Variants in SYT10 observed in about 807,000 individuals in gnomAD.
SYT10 encodes synaptotagmin 10.
A neutral mutation model predicts 51.1 loss-of-function variants in SYT10; 31 were observed. That is an observed-to-expected ratio of 0.61 (90% CI 0.46 to 0.82). SYT10 has a LOEUF of 0.82. SYT10 is among the 40% of genes least tolerant of loss of function. SYT10 has a pLI of 0.00. For missense variants in SYT10, 603 were observed against 634.0 expected (o/e 0.95, Z 0.53); for synonymous variants, 233 against 225.9 (o/e 1.03, Z -0.28).
chr12:33,402,319 C>G (rs1004157517), intron 3 of SYT10, among the ~76,000 whole-genome samples: 2 of 152,190 alleles, frequency 1.3e-5, no homozygotes, highest in African/African-American at 4.8e-5. Context: ...TGAAAACATG[C>G]TACAGTCTTA....
At chr12:33,390,392 G>T (rs1284510046) in intron 3 of SYT10, among the ~76,000 whole-genome samples, 1 of 152,064 alleles carries the variant, frequency 6.6e-6, no homozygotes, top group Non-Finnish European at 1.5e-5. Context: ...CTTCTGGCTC[G>T]CTAAAATTCT....
At chr12:33,400,189 G>T (rs1866290359) in intron 3 of SYT10, among the ~76,000 whole-genome samples, 1 of 152,142 alleles carries the variant, frequency 6.6e-6, no homozygotes, top group Non-Finnish European at 1.5e-5. Context: ...ATGAACTTTA[G>T]AAGATAATTC....
Position 33,404,637 on chromosome 12 carries a change from C to T in SYT10, c.1077+2152G>A, listed in dbSNP as rs544569290. On this transcript the variant is annotated intron_variant, in intron 3 of 6. Coordinates refer to ENST00000228567, the MANE Select transcript of SYT10 (RefSeq NM_198992.4). ...TGAACTCTTGACCTCGTGATCCACC[C>T]ACCTTGGCCTCCCAAAGTGTTGGGA... Among the ~76,000 whole-genome samples the T allele has an allele frequency of 1.2e-4, 18 of 152,280 alleles. No individual in the cohort carries two copies. In the South Asian group the frequency reaches 2.7e-3, roughly 23 times the overall value.
At chr12:33,433,474 C>A (rs1866612960) in intron 1 of SYT10, among the ~76,000 whole-genome samples, 1 of 152,110 alleles carries the variant, frequency 6.6e-6, no homozygotes, top group Non-Finnish European at 1.5e-5. Context: ...TCTGTTTTCA[C>A]TACAGACTAA....
At chr12:33,424,356 T>G (rs1866531328) in intron 2 of SYT10, among the ~76,000 whole-genome samples, 1 of 152,180 alleles carries the variant, frequency 6.6e-6, no homozygotes, top group Non-Finnish European at 1.5e-5. Context: ...TGAATTTGTC[T>G]TCATTGAGTA....
At chr12:33,431,162 A>G (rs1334779310) in intron 1 of SYT10, among the ~76,000 whole-genome samples, 1 of 152,210 alleles carries the variant, frequency 6.6e-6, no homozygotes, top group Non-Finnish European at 1.5e-5. Context: ...AAGAAGATGG[A>G]AAAAGGGAAG....
intron 3 of SYT10, among the ~76,000 whole-genome samples, chr12:33,403,544 T>C (rs562079642): frequency 1.0e-3 from 152 of 152,278 alleles, no homozygotes; most frequent in African/African-American, 3.4e-3. Context: ...CAATAGTCTT[T>C]TAATCCAGTA....
intron 3 of SYT10, among the ~76,000 whole-genome samples, chr12:33,401,974 T>A (rs2138409431): frequency 6.6e-6 from 1 of 152,342 alleles, no homozygotes; most frequent in South Asian, 2.1e-4. Flanking sequence ...AATGTTTAAA[T>A]AAGTGCAGCA....
At chr12:33,390,304 G>C (rs767771487) in intron 3 of SYT10, among the ~76,000 whole-genome samples, 109 of 152,260 alleles carry the variant, frequency 7.2e-4, no homozygotes, top group African/African-American at 2.5e-3. Context: ...AAGGCTGAGC[G>C]TATCAGGCTT....
At chr12:33,434,613 G>A (rs1009005867) in intron 1 of SYT10, among the ~76,000 whole-genome samples, 2 of 152,094 alleles carry the variant, frequency 1.3e-5, no homozygotes, top group African/African-American at 4.8e-5. Flanking sequence ...AGACCAGCCC[G>A]GCCAACATGG....
At chr12:33,422,081 T>C (rs993626000) in intron 2 of SYT10, among the ~76,000 whole-genome samples, 4 of 147,404 alleles carry the variant, frequency 2.7e-5, no homozygotes, top group African/African-American at 1.0e-4. Context: ...CATCAAAACT[T>C]AAAGTATTAA....
chr12:33,429,875 C>T (rs1418287436), intron 1 of SYT10, among the ~76,000 whole-genome samples: 2 of 152,054 alleles, frequency 1.3e-5, no homozygotes, highest in Non-Finnish European at 2.9e-5. Context: ...GAGAAGATCA[C>T]CGGAGGAAGG....
rs1171511013 is a variant in SYT10, at chr12:33,382,383, C to T, written c.1336G>A (p.Val446Ile). ...TCCATGACCGCAATGGAGAGGCTGA[C>T]CTGGTCCACGTTCTCTGGAGGGATG... Reference protein sequence around the residue: ...FDIPPENVDQVSLSIAVMDYD... With the variant: ...FDIPPENVDQISLSIAVMDYD... Residue 446 changes from valine to isoleucine, a missense_variant, in exon 5 of 7, where the codon GTC (valine) becomes ATC (isoleucine). Physicochemically the swap from Val to Ile is conservative, Grantham distance 29. Coordinates refer to ENST00000228567, the MANE Select transcript of SYT10 (RefSeq NM_198992.4). 1 of 1,611,760 alleles carries T rather than the reference C, an allele frequency of 6.2e-7. No homozygotes were observed.
chr12:33,395,163 G>C (rs1280040381), intron 3 of SYT10, among the ~76,000 whole-genome samples: 2 of 152,150 alleles, frequency 1.3e-5, no homozygotes, highest in African/African-American at 4.8e-5. Flanking sequence ...AAACAAAATT[G>C]TTTTTGTGGT....
chr12:33,439,297 G>A, intron 1 of SYT10, 75 bp downstream of exon 1: 1 of 1,522,060 alleles, frequency 6.6e-7, no homozygotes, highest in Non-Finnish European at 8.8e-7. Context: ...GGGAGGCGCA[G>A]AACCCCGGAG....
At position 33,376,603 on chromosome 12, in the gene SYT10, C is replaced by T. The variant is rs115907520; in HGVS notation, c.*227G>A. On this transcript the variant is annotated 3_prime_UTR_variant, in exon 7 of 7. Transcript: ENST00000228567. Reference sequence around the variant, plus strand: ...TCTTTGTGCTAACAGGCATTTGATACGAAGGATAAAATGCCTTATGCAACT... The same window carrying T: ...TCTTTGTGCTAACAGGCATTTGATATGAAGGATAAAATGCCTTATGCAACT... 883 of 522,130 alleles carry T rather than the reference C, an allele frequency of 1.7e-3. 5 individuals carry two copies. Among genetic ancestry groups the T allele is most frequent in the African/African-American group, 0.011 (582 of 52,720 alleles). 32.3% of individuals were successfully genotyped at this position (522,130 alleles called of 1,614,324 possible).
chr12:33,427,013 C>T (rs542922520), intron 1 of SYT10, among the ~76,000 whole-genome samples: 2 of 152,240 alleles, frequency 1.3e-5, no homozygotes, highest in South Asian at 4.1e-4. Flanking sequence ...TTTCAACCTC[C>T]ATAGATTCTT....
chr12:33,403,588 CTG>C (rs2138411208), intron 3 of SYT10, among the ~76,000 whole-genome samples: 1 of 152,224 alleles, frequency 6.6e-6, no homozygotes, highest in African/African-American at 2.4e-5. Context: ...TCTTTTATGT[CTG>C]TGTCTGCATA....
At chr12:33,393,557 G>A (rs962786151) in intron 3 of SYT10, among the ~76,000 whole-genome samples, 5 of 152,156 alleles carry the variant, frequency 3.3e-5, no homozygotes, top group Admixed American at 2.6e-4. Context: ...GATTGACATT[G>A]TTCCACTTCT....
Sources: allele counts gnomAD v4.1 joint callset (sites outside exome capture counted in the v4.1 genomes callset), GRCh38; gene constraint gnomAD v4.1.1; transcripts MANE v1.5; gene names NCBI Gene and HGNC (gene_info 2026-07-23, HGNC 2026-07-21).